The following CHRNA5 variants were observed in gnomAD, a reference collection of about 807,000 sequenced individuals.
CHRNA5 encodes neuronal acetylcholine receptor subunit alpha-5.
A neutral mutation model predicts 41.2 loss-of-function variants in CHRNA5; 28 were observed. The observed-to-expected ratio is 0.68, with a 90% CI of 0.50 to 0.93. CHRNA5 has a LOEUF of 0.93. Ranked by LOEUF, CHRNA5 falls within the 40% of genes least tolerant of loss-of-function variation. The probability of loss-of-function intolerance (pLI) is 0.00; values close to 1 mark genes in which losing one functional copy is unlikely to be tolerated. For missense variants in CHRNA5, 481 were observed against 581.9 expected, an observed-to-expected ratio of 0.83 and a Z score of 1.78; for synonymous variants, 188 against 205.8, an observed-to-expected ratio of 0.91 and a Z score of 0.74.
chr15:78,580,367 T>C (rs1356899804), intron 1 of CHRNA5, among the ~76,000 whole-genome samples: 5 of 151,678 alleles, frequency 3.3e-5, no homozygotes, highest in Non-Finnish European at 7.4e-5. Context: ...TTAGTATATC[T>C]GTTTTCTAGG....
rs534031880 is a variant in CHRNA5 at position 78,565,773 on chromosome 15, G to A, written c.54G>A (p.Gln18=). ...CGCTCCGCCTGCTGCTCTTGGTCCA[G>A]CTGGTCGCGGGGCGCTGCGGTCTAG... is the stretch of plus-strand genomic sequence containing the variant. The change falls in exon 1 of 6, where the codon CAG becomes CAA. Residue 18 remains glutamine, a synonymous_variant. Coordinates refer to ENST00000299565, the Ensembl canonical transcript of CHRNA5. The A allele has an allele frequency of 3.1e-4, 383 of 1,218,754 alleles. 3 individuals carry two copies. In the East Asian group the frequency reaches 0.011, roughly 36 times the overall value. 75.5% of individuals were successfully genotyped at this position (1,218,754 alleles called of 1,614,324 possible). A position where few individuals can be genotyped will look rare whatever the true frequency, so the allele number is the denominator to read the frequency against.
At chr15:78,567,729 G>A (rs543348360) in intron 1 of CHRNA5, among the ~76,000 whole-genome samples, 3 of 152,298 alleles carry the variant, frequency 2.0e-5, no homozygotes, top group Admixed American at 1.3e-4. Flanking sequence ...TACCTCTCTG[G>A]ATATTAGTTT....
chr15:78,594,194 C>G (rs1596067067), exon 6 of CHRNA5: 1 of 152,218 alleles, frequency 6.6e-6, no homozygotes, highest in South Asian at 2.1e-4. Context: ...AGCTTAGCTT[C>G]CACTGTAAAG....
At chr15:78,580,279 C>CCAAA (rs369002061) in intron 1 of CHRNA5, among the ~76,000 whole-genome samples, 5 of 62,000 alleles carry the variant, frequency 8.1e-5, no homozygotes, top group African/African-American at 3.0e-4. Context: ...GACTCCGTCT[C>CCAAA]AAAAAAAAAA....
intron 2 of CHRNA5, among the ~76,000 whole-genome samples, chr15:78,585,161 C>T (rs969394154): frequency 6.6e-6 from 1 of 152,148 alleles, no homozygotes; most frequent in Non-Finnish European, 1.5e-5. Context: ...CGTGATCCAC[C>T]CGTCTTGGCC....
At position 78,565,745 on chromosome 15, in the gene CHRNA5, G is replaced by T. The variant is rs952978648; in HGVS notation, c.26G>T (p.Arg9Leu). ...ATGGCGGCGCGGGGGTCAGGGCCCC[G>T]CGCGCTCCGCCTGCTGCTCTTGGTC... The change falls in exon 1 of 6, where the codon CGC becomes CTC. Residue 9 changes from arginine (R) to leucine (L), a missense_variant. Arg to Leu is a moderately radical substitution (Grantham distance 102). Transcript: ENST00000299565. 29 of 1,198,452 alleles carry T rather than the reference G, an allele frequency of 2.4e-5. No individual in the cohort carries two copies. The African/African-American group carries it at 4.4e-4, about 18-fold the overall frequency. The allele number at this position is 1,198,452 out of a possible 1,614,324, so 74.2% of individuals were successfully genotyped here.
intron 1 of CHRNA5, among the ~76,000 whole-genome samples, chr15:78,578,409 G>A (rs1194851640): frequency 6.6e-6 from 1 of 152,224 alleles, no homozygotes; most frequent in Non-Finnish European, 1.5e-5. Flanking sequence ...TCGGGAGGCT[G>A]AGACAGAGAA....
chr15:78,592,052 G>A (rs192211093), intron 5 of CHRNA5, among the ~76,000 whole-genome samples: 61 of 152,284 alleles, frequency 4.0e-4, no homozygotes, highest in Admixed American at 2.9e-3. Flanking sequence ...GGCCAGGTGC[G>A]GTGGCTCACG....
chr15:78,594,682 A>T (rs1376714089), exon 6 of CHRNA5: 1 of 152,246 alleles, frequency 6.6e-6, no homozygotes, highest in Non-Finnish European at 1.5e-5. Flanking sequence ...TGTCTCAAAC[A>T]TATTTTGGTC....
chr15:78,582,914 C>T (rs949897204), intron 2 of CHRNA5, among the ~76,000 whole-genome samples: 7 of 152,148 alleles, frequency 4.6e-5, no homozygotes, highest in African/African-American at 1.7e-4. Flanking sequence ...ATGTTTACTT[C>T]TTGGGAGAAT....
intron 3 of CHRNA5, among the ~76,000 whole-genome samples, chr15:78,587,264 T>C (rs1055874174): frequency 2.4e-4 from 36 of 152,138 alleles, no homozygotes; most frequent in Non-Finnish European, 5.9e-5. Flanking sequence ...TATAGTACCT[T>C]AGAAGCTGAT....
At position 78,586,060 on chromosome 15, in the gene CHRNA5, T is replaced by A. The variant is rs1266360699; in HGVS notation, c.259-585T>A. Among the ~76,000 whole-genome samples the A allele has an allele frequency of 3.3e-5, 5 of 152,104 alleles. No homozygotes were observed. In the East Asian group the frequency reaches 9.7e-4, roughly 29 times the overall value. On this transcript the variant is annotated intron_variant, in intron 2 of 5. Transcript: ENST00000299565. ...CTGCCCACCTTGGCCTCCCAAAGTGTTGGTATTATAGGCATAAGCCACTGC... is the reference window on the plus strand; with the variant it reads ...CTGCCCACCTTGGCCTCCCAAAGTGATGGTATTATAGGCATAAGCCACTGC...
At chr15:78,569,785 A>G (rs1036623485) in intron 1 of CHRNA5, among the ~76,000 whole-genome samples, 1 of 151,338 alleles carries the variant, frequency 6.6e-6, no homozygotes. Context: ...CATCTGTTCC[A>G]CAGAACAGCA....
At chr15:78,591,505 A>G (rs2053014626) in intron 5 of CHRNA5, among the ~76,000 whole-genome samples, 1 of 152,048 alleles carries the variant, frequency 6.6e-6, no homozygotes, top group Non-Finnish European at 1.5e-5. Context: ...TAATATTTTC[A>G]TAATTGAATG....
chr15:78,566,773 G>A (rs571745438), intron 1 of CHRNA5, among the ~76,000 whole-genome samples: 1 of 152,314 alleles, frequency 6.6e-6, no homozygotes, highest in South Asian at 2.1e-4. Context: ...ATTGCAGGAT[G>A]TATTGCTTAG....
At chr15:78,580,787 A>G (rs1957012879) in intron 1 of CHRNA5, 24 bp from the exon 2 acceptor site, 2 of 1,591,586 alleles carry the variant, frequency 1.3e-6, no homozygotes, top group Admixed American at 3.4e-5. Context: ...CGAGTACATT[A>G]ACTTTTAAAA....
Position 78,580,141 on chromosome 15 carries a change from G to A in CHRNA5, c.107-670G>A, listed in dbSNP as rs1004402000. Among the ~76,000 whole-genome samples, 7 of 151,638 alleles carry A rather than the reference G, an allele frequency of 4.6e-5. No individual in the cohort carries two copies. In the South Asian group the frequency reaches 8.3e-4, roughly 18 times the overall value. ...CTAAAAATACAAAAATTAGCCAGGCGTGGTGGTGGATACCTGTAGTCTCAG... is the reference window on the plus strand; with the variant it reads ...CTAAAAATACAAAAATTAGCCAGGCATGGTGGTGGATACCTGTAGTCTCAG... On this transcript the variant is annotated intron_variant, in intron 1 of 5. Coordinates refer to ENST00000299565, the Ensembl canonical transcript of CHRNA5.
chr15:78,592,833 T>TACAA (rs1204558539), intron 5 of CHRNA5, among the ~76,000 whole-genome samples: 19 of 152,172 alleles, frequency 1.2e-4, no homozygotes, highest in African/African-American at 3.4e-4. Flanking sequence ...ATTTTAATTT[T>TACAA]TAATCTATCA....
chr15:78,583,014 T>C (rs1222263996), intron 2 of CHRNA5, among the ~76,000 whole-genome samples: 1 of 152,064 alleles, frequency 6.6e-6, no homozygotes, highest in East Asian at 2.0e-4. Context: ...TAAGACAGCC[T>C]CTCCTGTGTT....
Sources: allele counts gnomAD v4.1 joint callset (sites outside exome capture counted in the v4.1 genomes callset), GRCh38; gene constraint gnomAD v4.1.1; transcripts MANE v1.5; gene names NCBI Gene and HGNC (gene_info 2026-07-23, HGNC 2026-07-21).